TMEM132B: variants seen among roughly 807,000 people sequenced by gnomAD.
TMEM132B encodes the protein transmembrane protein 132B.
In TMEM132B, 18 loss-of-function variants were observed where a neutral mutation model predicts 90.8. That is an observed-to-expected ratio of 0.20 (90% CI 0.14 to 0.29). The LOEUF is 0.29. Among genes scored for constraint, TMEM132B ranks in the 10% least tolerant of loss-of-function variants. The pLI is 1.00. For missense variants in TMEM132B, 1,096 were observed against 1,326.8 expected (o/e 0.83, Z 2.70); for synonymous variants, 504 against 523.3 (o/e 0.96, Z 0.50).
intron 5 of TMEM132B, chr12:125,584,931 A>G (rs1202800559): frequency 1.3e-5 from 2 of 152,170 alleles, no homozygotes; most frequent in African/African-American, 4.8e-5. Flanking sequence ...AAATACAATA[A>G]CTCAGAGTTC....
intron 2 of TMEM132B, among the ~76,000 whole-genome samples, chr12:125,367,268 TTG>T (rs1878163120): frequency 1.3e-5 from 2 of 152,206 alleles, no homozygotes; most frequent in Admixed American, 6.5e-5. Flanking sequence ...GAATGCTAAG[TTG>T]TGAAGACTCT....
chr12:125,552,497 A>T (rs1468783903), intron 4 of TMEM132B, among the ~76,000 whole-genome samples: 1 of 152,236 alleles, frequency 6.6e-6, no homozygotes, highest in East Asian at 1.9e-4. Context: ...GACAAAGCAG[A>T]GTCCCCAGTC....
chr12:125,424,256 C>T (rs1268061908), intron 3 of TMEM132B, among the ~76,000 whole-genome samples: 2 of 152,150 alleles, frequency 1.3e-5, no homozygotes, highest in African/African-American at 4.8e-5. Flanking sequence ...GAAAGCTAGA[C>T]ATGAACTGGC....
intron 4 of TMEM132B, among the ~76,000 whole-genome samples, chr12:125,544,314 C>T (rs970829878): frequency 2.7e-4 from 41 of 152,162 alleles, no homozygotes; most frequent in Admixed American, 2.4e-3. Context: ...CAAACCTGCA[C>T]ATCCTGCCCA....
chr12:125,486,713 C>T (rs571185632), intron 3 of TMEM132B, among the ~76,000 whole-genome samples: 4 of 152,288 alleles, frequency 2.6e-5, no homozygotes, highest in Admixed American at 6.5e-5. Flanking sequence ...TCTGAGGGTT[C>T]GGTCACTGTA....
intron 2 of TMEM132B, among the ~76,000 whole-genome samples, chr12:125,355,324 G>A (rs930465946): frequency 6.6e-6 from 1 of 152,122 alleles, no homozygotes; most frequent in African/African-American, 2.4e-5. Context: ...GAAAGCTTCA[G>A]GTGTGCTTGG....
intron 3 of TMEM132B, among the ~76,000 whole-genome samples, chr12:125,478,979 T>A (rs1336925074): frequency 6.6e-6 from 1 of 152,152 alleles, no homozygotes; most frequent in Non-Finnish European, 1.5e-5. Context: ...AGAAAAGAAT[T>A]TTCAACCCAG....
Position 125,634,382 on chromosome 12 carries a change from T to C in TMEM132B, c.1438-9694T>C, listed in dbSNP as rs867819110. 2.6e-5 allele frequency among the ~76,000 whole-genome samples: 4 copies of C among 152,220 alleles called. No homozygotes were observed. The South Asian group carries it at 8.3e-4, about 31-fold the overall frequency. On this transcript the variant is annotated intron_variant, in intron 5 of 8. Coordinates refer to ENST00000682704, the MANE Select transcript of TMEM132B (RefSeq NM_001366854.1). ...AAATGCCATCCAAGAGCAAGTCTTC[T>C]AATTGAGGGCCCCAAGAGCCCACTT...
At chr12:125,269,114 TG>T (rs1329825732) in intron 1 of TMEM132B, among the ~76,000 whole-genome samples, 4 of 152,248 alleles carry the variant, frequency 2.6e-5, no homozygotes, top group Non-Finnish European at 5.9e-5. Context: ...TGAAGGATCT[TG>T]GGTTCCCAGA....
At chr12:125,375,683 G>A (rs1878455574) in intron 2 of TMEM132B, among the ~76,000 whole-genome samples, 1 of 152,256 alleles carries the variant, frequency 6.6e-6, no homozygotes, top group Admixed American at 6.5e-5. Context: ...CAGGTAGAAA[G>A]TTTGACTTAC....
At chr12:125,312,597 T>TAGA (rs1876149127) in intron 1 of TMEM132B, among the ~76,000 whole-genome samples, 1 of 152,252 alleles carries the variant, frequency 6.6e-6, no homozygotes, top group African/African-American at 2.4e-5. Context: ...AGTTGGCCTC[T>TAGA]GCTTCTGGAG....
chr12:125,241,705 A>G (rs1158565165), intron 1 of TMEM132B, among the ~76,000 whole-genome samples: 2 of 152,212 alleles, frequency 1.3e-5, no homozygotes, highest in Non-Finnish European at 1.5e-5. Flanking sequence ...CTCCAGGGCC[A>G]TGAGAAAATA....
chr12:125,274,185 T>C (rs910353314), intron 1 of TMEM132B, among the ~76,000 whole-genome samples: 2 of 152,176 alleles, frequency 1.3e-5, no homozygotes, highest in Non-Finnish European at 2.9e-5. Flanking sequence ...AACATTGCAT[T>C]TGGGAGACTC....
intron 6 of TMEM132B, among the ~76,000 whole-genome samples, chr12:125,645,673 C>A (rs1429805276): frequency 6.6e-6 from 1 of 152,220 alleles, no homozygotes; most frequent in Non-Finnish European, 1.5e-5. Flanking sequence ...ACCAGCCCAG[C>A]TGACGCCTTA....
At chr12:125,622,839 C>T (rs1488937255) in intron 5 of TMEM132B, among the ~76,000 whole-genome samples, 2 of 152,162 alleles carry the variant, frequency 1.3e-5, no homozygotes, top group African/African-American at 2.4e-5. Context: ...CTTGAGTTCA[C>T]AATTCAGAGC....
chr12:125,289,008 G>A (rs962263848), intron 1 of TMEM132B, among the ~76,000 whole-genome samples: 2 of 152,146 alleles, frequency 1.3e-5, no homozygotes, highest in Non-Finnish European at 2.9e-5. Flanking sequence ...CGTAGGCAAC[G>A]CTGAGTTTTC....
chr12:125,202,588 G>A (rs1873088691), intron 1 of TMEM132B, among the ~76,000 whole-genome samples: 1 of 152,218 alleles, frequency 6.6e-6, no homozygotes, highest in Admixed American at 6.5e-5. Flanking sequence ...CTGTCCCTGG[G>A]GCCCTCTCCA....
chr12:125,615,121 C>T (rs1044653249), intron 5 of TMEM132B, among the ~76,000 whole-genome samples: 2 of 152,012 alleles, frequency 1.3e-5, no homozygotes, highest in African/African-American at 4.8e-5. Context: ...CTTTGTCTTT[C>T]ATAATTTTTA....
chr12:125,276,760 C>T (rs1046434619), intron 1 of TMEM132B, among the ~76,000 whole-genome samples: 7 of 152,194 alleles, frequency 4.6e-5, no homozygotes, highest in Non-Finnish European at 8.8e-5. Flanking sequence ...TCTCCCCTGA[C>T]AGCTGGTGCA....
Sources: gnomAD v4.1 joint callset for allele counts (sites outside exome capture counted in the v4.1 genomes callset) on GRCh38, gnomAD v4.1.1 for gene constraint, MANE v1.5 for transcripts, NCBI Gene and HGNC (gene_info 2026-07-23, HGNC 2026-07-21) for gene names.